Variants in ZCCHC17 observed in about 807,000 individuals in gnomAD.
The protein encoded by ZCCHC17 is zinc finger CCHC-type containing 17.
In ZCCHC17, 18 loss-of-function variants were observed where a neutral mutation model predicts 30.6. The ratio of observed to expected loss-of-function variants is 0.59; its 90% CI spans 0.41 to 0.87. The LOEUF is 0.87. ZCCHC17 is among the 40% of genes least tolerant of loss of function. The pLI, the probability that ZCCHC17 is intolerant of heterozygous loss-of-function variation, is 0.00. For synonymous variants in ZCCHC17, 88 were observed against 92.4 expected (o/e 0.95, Z 0.27); for missense variants, 263 against 284.2 (o/e 0.93, Z 0.54).
intron 5 of ZCCHC17, among the ~76,000 whole-genome samples, chr1:31,339,659 T>G (rs1215368055): frequency 6.6e-6 from 1 of 152,222 alleles, no homozygotes; most frequent in Non-Finnish European, 1.5e-5. Context: ...TTTCTGCCCT[T>G]TAACGAGTTA....
In ZCCHC17 at chr1:31,304,554, T is replaced by C. The variant is rs372738702; in HGVS notation, c.-55-5490T>C. 6.2e-4 allele frequency among the ~76,000 whole-genome samples: 94 copies of C among 151,402 alleles called. No homozygotes were observed. The South Asian group carries it at 0.018, about 29-fold the overall frequency. The stretch of plus-strand genomic sequence containing the variant: ...CCGCCATGGCCTCCCAAAGTGCTGG[T>C]ATTAACAGGTGTGAGCCACCGTGCC... On this transcript the variant is annotated intron_variant, in intron 1 of 7. Coordinates refer to ENST00000344147, the MANE Select transcript of ZCCHC17 (RefSeq NM_016505.4).
chr1:31,341,157 A>C (rs1400653691), intron 5 of ZCCHC17, among the ~76,000 whole-genome samples: 1 of 152,172 alleles, frequency 6.6e-6, no homozygotes, highest in East Asian at 1.9e-4. Flanking sequence ...CTTGCATGTG[A>C]CTTACAGAAC....
At chr1:31,356,331 T>C (rs1393168878) in intron 7 of ZCCHC17, among the ~76,000 whole-genome samples, 2 of 152,218 alleles carry the variant, frequency 1.3e-5, no homozygotes, top group Non-Finnish European at 2.9e-5. Context: ...AAAGTCTCAT[T>C]AGGTTCTCAT....
chr1:31,348,068 C>T (rs778792417), intron 6 of ZCCHC17, among the ~76,000 whole-genome samples: 1 of 152,068 alleles, frequency 6.6e-6, no homozygotes, highest in Non-Finnish European at 1.5e-5. Flanking sequence ...TAACCTTAAC[C>T]GTGTCCAACA....
intron 5 of ZCCHC17, among the ~76,000 whole-genome samples, chr1:31,344,133 AT>A (rs1639155404): frequency 1.3e-5 from 2 of 151,746 alleles, no homozygotes; most frequent in South Asian, 4.2e-4. Flanking sequence ...AGGATTACAG[AT>A]GTGAGCCACC....
intron 5 of ZCCHC17, among the ~76,000 whole-genome samples, chr1:31,339,493 G>T (rs1638953871): frequency 6.6e-6 from 1 of 152,174 alleles, no homozygotes; most frequent in Non-Finnish European, 1.5e-5. Context: ...GGATGACAGA[G>T]TGAGACTCGG....
chr1:31,336,787 C>T (rs1638834385), intron 3 of ZCCHC17, among the ~76,000 whole-genome samples: 1 of 151,560 alleles, frequency 6.6e-6, no homozygotes, highest in Admixed American at 6.6e-5. Context: ...ATCTCAGCCT[C>T]CTAAGTAGCT....
intron 1 of ZCCHC17, among the ~76,000 whole-genome samples, chr1:31,305,543 G>A (rs531406778): frequency 7.8e-4 from 118 of 152,222 alleles, no homozygotes; most frequent in African/African-American, 2.7e-3. Flanking sequence ...ACCCACCTTG[G>A]CCTTCCAAAG....
Position 31,364,178 on chromosome 1 carries a change from G to A in ZCCHC17, c.711G>A (p.Lys237=). ...AGAAAAAGAAGAAGAAGCACAAGAA[G>A]AAGCACAAGGAGTGAGAGTATAAAG... The part of the protein sequence containing the change: ...KKKKKKKKHK[K]KHKE Residue 237 remains lysine (K), a synonymous_variant, in exon 8 of 8, where the codon AAG becomes AAA. Transcript: ENST00000344147. 6.2e-7 allele frequency: 1 copy of A among 1,613,556 alleles called. No homozygotes were observed. Among genetic ancestry groups the A allele is most frequent in the East Asian group, 2.2e-5 (1 of 44,874 alleles).
Position 31,324,865 on chromosome 1 carries a change from C to T in ZCCHC17, c.124+5699C>T, listed in dbSNP as rs58161589. Among the ~76,000 whole-genome samples, 877 of 152,158 alleles carry T rather than the reference C, an allele frequency of 5.8e-3. 71 individuals carry two copies. The East Asian group carries it at 0.14, about 25-fold the overall frequency. ...CTCCTGGGTGGAAAGGGGCAGGTCT[C>T]GGTGAAGCCGCACCTTCAAGCCAGG... is the stretch of plus-strand genomic sequence containing the variant. On this transcript the variant is annotated intron_variant, in intron 3 of 7. Coordinates refer to ENST00000344147, the MANE Select transcript of ZCCHC17 (RefSeq NM_016505.4).
At chr1:31,319,301 T>A (rs887634232) in intron 3 of ZCCHC17, 135 bp downstream of exon 3, 2 of 677,846 alleles carry the variant, frequency 3.0e-6, no homozygotes, top group Non-Finnish European at 4.9e-6. Context: ...TGTATAGATA[T>A]GAATACAAGA....
chr1:31,311,818 TC>T (rs200655591), intron 2 of ZCCHC17, among the ~76,000 whole-genome samples: 1 of 152,162 alleles, frequency 6.6e-6, no homozygotes, highest in East Asian at 1.9e-4. Flanking sequence ...TGAACTTTAG[TC>T]CCCCCCGTGG....
intron 6 of ZCCHC17, among the ~76,000 whole-genome samples, chr1:31,347,625 T>C (rs767114179): frequency 8.5e-5 from 13 of 152,154 alleles, no homozygotes; most frequent in Admixed American, 2.6e-4. Flanking sequence ...TACAGATAGC[T>C]TTTTTTGTTG....
chr1:31,357,644 G>A (rs971798406), intron 7 of ZCCHC17, among the ~76,000 whole-genome samples: 1 of 152,196 alleles, frequency 6.6e-6, no homozygotes, highest in Non-Finnish European at 1.5e-5. Context: ...GTATCAAGTA[G>A]TGATAAGTGC....
chr1:31,319,248 A>C, intron 3 of ZCCHC17, 82 bp downstream of exon 3: 1 of 1,177,162 alleles, frequency 8.5e-7, no homozygotes, highest in South Asian at 1.5e-5. Context: ...TAGGCTGTAC[A>C]TTTTTCAGAC....
chr1:31,348,756 T>A, intron 6 of ZCCHC17, 73 bp from the exon 7 acceptor site: 1 of 1,576,618 alleles, frequency 6.3e-7, no homozygotes, highest in Non-Finnish European at 8.7e-7. Context: ...TTCAGGAGAC[T>A]TGGGGAAAGA....
intron 3 of ZCCHC17, among the ~76,000 whole-genome samples, chr1:31,331,147 T>A (rs988634827): frequency 1.3e-5 from 2 of 152,154 alleles, no homozygotes; most frequent in South Asian, 4.1e-4. Context: ...ATATTCTTTT[T>A]TTTTTTTCTC....
intron 5 of ZCCHC17, among the ~76,000 whole-genome samples, chr1:31,342,611 A>G (rs1044388523): frequency 2.6e-5 from 4 of 152,266 alleles, no homozygotes; most frequent in African/African-American, 9.6e-5. Flanking sequence ...TTGCACTCCT[A>G]TGAGAATCTA....
chr1:31,327,422 TC>T (rs1638400469), intron 3 of ZCCHC17, among the ~76,000 whole-genome samples: 1 of 152,236 alleles, frequency 6.6e-6, no homozygotes, highest in African/African-American at 2.4e-5. Context: ...TTTACAGTAG[TC>T]CCCACTCATC....
Sources: gnomAD v4.1 joint callset for allele counts (sites outside exome capture counted in the v4.1 genomes callset) on GRCh38, gnomAD v4.1.1 for gene constraint, MANE v1.5 for transcripts, NCBI Gene and HGNC (gene_info 2026-07-23, HGNC 2026-07-21) for gene names.